Variants in SNX29 observed in about 807,000 individuals in gnomAD.
SNX29 encodes sorting nexin-29.
SNX29 carries 78 observed loss-of-function variants against 102.1 expected under a neutral mutation model. The ratio of observed to expected loss-of-function variants is 0.76; its 90% confidence interval spans 0.64 to 0.92. SNX29 has a LOEUF of 0.92. SNX29 is among the 40% of genes least tolerant of loss of function. SNX29 has a pLI of 0.00. For missense variants in SNX29, 1,280 were observed against 1,061.7 expected (o/e 1.21, Z -2.86); for synonymous variants, 580 against 414.5 (o/e 1.40, Z -4.85).
intron 11 of SNX29, among the ~76,000 whole-genome samples, chr16:12,119,093 T>C (rs969654115): frequency 5.3e-5 from 8 of 152,222 alleles, no homozygotes; most frequent in African/African-American, 1.7e-4. Flanking sequence ...AACCTCAGTT[T>C]ACAGTGTTTA....
intron 3 of SNX29, among the ~76,000 whole-genome samples, chr16:12,009,606 A>T (rs943072011): frequency 6.6e-6 from 1 of 151,976 alleles, no homozygotes; most frequent in Non-Finnish European, 1.5e-5. Context: ...TTTCCTTCAG[A>T]TGGAGTCCTG....
intron 19 of SNX29, among the ~76,000 whole-genome samples, chr16:12,523,686 T>C (rs866759263): frequency 2.6e-5 from 4 of 152,090 alleles, no homozygotes; most frequent in Admixed American, 2.0e-4. Context: ...AAGCTGGCCC[T>C]GCCCACAAAC....
chr16:12,257,034 G>T (rs1430774425), intron 14 of SNX29, among the ~76,000 whole-genome samples: 1 of 152,202 alleles, frequency 6.6e-6, no homozygotes, highest in East Asian at 1.9e-4. Flanking sequence ...GCTGAATGAG[G>T]TGGTGGCAGG....
chr16:12,443,058 G>A (rs1399682239), intron 18 of SNX29: 11 of 455,760 alleles, frequency 2.4e-5, no homozygotes, highest in African/African-American at 1.8e-4. Context: ...AGCAGGCCAG[G>A]CGTCCAGCCT....
At chr16:12,176,006 AAACAACAAC>A (rs144666243) in intron 13 of SNX29, among the ~76,000 whole-genome samples, 1 of 151,142 alleles carries the variant, frequency 6.6e-6, no homozygotes, top group Admixed American at 6.6e-5. Context: ...ACCTTGTCTA[AAACAACAAC>A]AACAACAACA....
intron 18 of SNX29, among the ~76,000 whole-genome samples, chr16:12,461,980 T>TA (rs1445829280): frequency 2.1e-4 from 7 of 33,510 alleles, no homozygotes; most frequent in East Asian, 1.5e-3. Flanking sequence ...AAAAAAAAAA[T>TA]ATATATATAT....
chr16:12,119,858 C>G (rs576795124), intron 11 of SNX29, among the ~76,000 whole-genome samples: 3 of 152,358 alleles, frequency 2.0e-5, no homozygotes, highest in African/African-American at 7.2e-5. Context: ...ATCATGCTTG[C>G]TTCTCAGAAA....
At chr16:12,167,524 C>G (rs2076044665) in intron 13 of SNX29, among the ~76,000 whole-genome samples, 1 of 152,186 alleles carries the variant, frequency 6.6e-6, no homozygotes, top group African/African-American at 2.4e-5. Context: ...ATAGTAGCCA[C>G]CATTAATTGC....
chr16:12,247,951 G>C (rs1042235995), intron 14 of SNX29, among the ~76,000 whole-genome samples: 1 of 152,094 alleles, frequency 6.6e-6, no homozygotes, highest in Non-Finnish European at 1.5e-5. Flanking sequence ...AATTACCATG[G>C]AACAAGGGCA....
intron 14 of SNX29, among the ~76,000 whole-genome samples, chr16:12,203,741 T>C (rs754697973): frequency 2.5e-4 from 38 of 152,366 alleles, no homozygotes; most frequent in Admixed American, 1.3e-3. Flanking sequence ...TCTTGGACTC[T>C]TCCCAGGAGC....
intron 4 of SNX29, among the ~76,000 whole-genome samples, chr16:12,041,355 G>A (rs942276240): frequency 8.5e-5 from 13 of 152,148 alleles, no homozygotes; most frequent in African/African-American, 2.7e-4. Flanking sequence ...CAGATGATCC[G>A]CTCGCATCGG....
At chr16:12,548,410 C>G (rs187817461) in intron 20 of SNX29, among the ~76,000 whole-genome samples, 1 of 152,212 alleles carries the variant, frequency 6.6e-6, no homozygotes, top group Non-Finnish European at 1.5e-5. Flanking sequence ...TGTAACCTAC[C>G]TCTGGCTCCC....
chr16:12,446,689 G>A (rs1355936724), intron 18 of SNX29, among the ~76,000 whole-genome samples: 1 of 152,110 alleles, frequency 6.6e-6, no homozygotes, highest in African/African-American at 2.4e-5. Context: ...TCTGTGCCTT[G>A]TTAGGTATAC....
chr16:12,479,567 C>G (rs1189790460), intron 19 of SNX29, among the ~76,000 whole-genome samples: 1 of 152,200 alleles, frequency 6.6e-6, no homozygotes, highest in African/African-American at 2.4e-5. Context: ...TGAACCACTA[C>G]ACGTGGCAGA....
chr16:12,024,842 C>T lies in SNX29; in HGVS notation c.123-2478C>T, dbSNP rs539522440. On this transcript the variant is annotated intron_variant, in intron 3 of 20. Coordinates refer to ENST00000566228, the MANE Select transcript of SNX29 (RefSeq NM_032167.5). Reference sequence around the variant, plus strand: ...TAAAGATAGAGGCTTTGGTTAATTACAGAGAACTCTCAACATACCCCAGAG... The same window carrying T: ...TAAAGATAGAGGCTTTGGTTAATTATAGAGAACTCTCAACATACCCCAGAG... 2.0e-4 allele frequency among the ~76,000 whole-genome samples: 31 copies of T among 152,276 alleles called. 1 individual carries two copies. The South Asian group carries it at 6.2e-3, about 31-fold the overall frequency.
chr16:12,431,639 A>C (rs2085320444), intron 18 of SNX29, among the ~76,000 whole-genome samples: 1 of 152,218 alleles, frequency 6.6e-6, no homozygotes, highest in South Asian at 2.1e-4. Context: ...CATCTGTGTT[A>C]CGTAAAGTGT....
chr16:12,555,801 C>T (rs1222326940), intron 20 of SNX29, among the ~76,000 whole-genome samples: 1 of 152,242 alleles, frequency 6.6e-6, no homozygotes, highest in Non-Finnish European at 1.5e-5. Flanking sequence ...ACACTCCTGC[C>T]TGCCTCTGCA....
intron 20 of SNX29, 86 bp from the exon 21 acceptor site, chr16:12,568,420 G>A (rs2079104707): frequency 7.1e-6 from 11 of 1,558,262 alleles, no homozygotes; most frequent in African/African-American, 5.4e-5. Context: ...GATCCCTCCT[G>A]CCCTCACACC....
intron 20 of SNX29, among the ~76,000 whole-genome samples, chr16:12,541,564 A>G (rs2077342235): frequency 6.6e-6 from 1 of 152,154 alleles, no homozygotes; most frequent in Non-Finnish European, 1.5e-5. Flanking sequence ...TCAAGCTGCC[A>G]AATTGCTCTC....
Sources: allele counts gnomAD v4.1 joint callset (sites outside exome capture counted in the v4.1 genomes callset), GRCh38; gene constraint gnomAD v4.1.1; transcripts MANE v1.5; gene names NCBI Gene and HGNC (gene_info 2026-07-23, HGNC 2026-07-21).